EYS: variants seen among roughly 807,000 people sequenced by gnomAD.
The protein encoded by EYS is protein eyes shut homolog.
A neutral mutation model predicts 282.1 loss-of-function variants in EYS; 250 were observed. The observed-to-expected ratio is 0.89, with a 90% CI of 0.80 to 0.98. The LOEUF (loss-of-function observed/expected upper bound fraction) is 0.98. EYS is among the 50% of genes least tolerant of loss of function. The pLI is 0.00. For missense variants in EYS, 4,016 were observed against 3,709.0 expected, an observed-to-expected ratio of 1.08 and a Z score of -2.15; for synonymous variants, 1,355 against 1,282.9, an observed-to-expected ratio of 1.06 and a Z score of -1.20.
chr6:65,481,871 A>G (rs959675109), intron 5 of EYS, among the ~76,000 whole-genome samples: 3 of 152,062 alleles, frequency 2.0e-5, no homozygotes, highest in Admixed American at 1.3e-4. Context: ...CGCCCAGTCC[A>G]ATTTTGAGAC....
Position 64,880,504 on chromosome 6 carries a change from C to A in EYS, c.2992+6193G>T, listed in dbSNP as rs543183819. Among the ~76,000 whole-genome samples the A allele has an allele frequency of 2.0e-4, 30 of 151,546 alleles. No homozygotes were observed. In the South Asian group the frequency reaches 4.4e-3, roughly 22 times the overall value. Reference sequence around the variant, plus strand: ...AATTTTGGTTCTTGATCTCTCTCTACCTCTCCCTCTCTATACACATTTGTA... The same window carrying A: ...AATTTTGGTTCTTGATCTCTCTCTAACTCTCCCTCTCTATACACATTTGTA... On this transcript the variant is annotated intron_variant, in intron 19 of 42. Coordinates refer to ENST00000503581, the MANE Select transcript of EYS (RefSeq NM_001142800.2).
At chr6:65,493,354 T>C (rs1174927267) in intron 4 of EYS, among the ~76,000 whole-genome samples, 1 of 152,214 alleles carries the variant, frequency 6.6e-6, no homozygotes, top group Non-Finnish European at 1.5e-5. Flanking sequence ...GCTCTAGATA[T>C]AGCTCTGCTT....
chr6:65,122,248 T>C (rs539573494), intron 12 of EYS, among the ~76,000 whole-genome samples: 2 of 152,240 alleles, frequency 1.3e-5, no homozygotes, highest in South Asian at 4.1e-4. Flanking sequence ...TTTTCAAATG[T>C]AGTCCAGAAT....
intron 19 of EYS, among the ~76,000 whole-genome samples, chr6:64,880,660 T>G (rs1332749043): frequency 6.6e-6 from 1 of 151,214 alleles, no homozygotes; most frequent in African/African-American, 2.4e-5. Flanking sequence ...GTCCCCATAA[T>G]CATTTGTTTT....
chr6:65,140,757 G>T (rs1166192535), intron 12 of EYS, among the ~76,000 whole-genome samples: 1 of 151,970 alleles, frequency 6.6e-6, no homozygotes. Context: ...ATCATCACTG[G>T]CCATCAGAGA....
chr6:64,647,368 A>G (rs1442625726), intron 22 of EYS, among the ~76,000 whole-genome samples: 1 of 152,194 alleles, frequency 6.6e-6, no homozygotes, highest in African/African-American at 2.4e-5. Flanking sequence ...AGAGAGACAG[A>G]GCTAGCTATA....
At chr6:64,255,006 C>T (rs986459785) in intron 30 of EYS, among the ~76,000 whole-genome samples, 4 of 152,104 alleles carry the variant, frequency 2.6e-5, no homozygotes, top group Admixed American at 1.3e-4. Flanking sequence ...AAGTGTAAAA[C>T]TTGGAGATTA....
intron 29 of EYS, among the ~76,000 whole-genome samples, chr6:64,345,667 A>G (rs1771356858): frequency 6.6e-6 from 1 of 152,166 alleles, no homozygotes; most frequent in Non-Finnish European, 1.5e-5. Flanking sequence ...TAAAACACCA[A>G]AAGCAATGGC....
At chr6:64,522,999 G>GA (rs895007630) in intron 26 of EYS, among the ~76,000 whole-genome samples, 2 of 150,408 alleles carry the variant, frequency 1.3e-5, no homozygotes, top group Non-Finnish European at 3.0e-5. Flanking sequence ...CTTTTCAAAA[G>GA]AAAAAAATGT....
Position 63,752,791 on chromosome 6 carries a change from G to A in EYS, c.8071+9670C>T, listed in dbSNP as rs1769372896. Among the ~76,000 whole-genome samples, 3 of 152,088 alleles carry A rather than the reference G, an allele frequency of 2.0e-5. No individual in the cohort carries two copies. The South Asian group carries it at 6.2e-4, about 32-fold the overall frequency. ...ATTACAGGTGTGAGCCACCGCGCCT[G>A]CCCTTAATTGCTTTTCTTAAATTGA... On this transcript the variant is annotated intron_variant, in intron 41 of 42. Coordinates refer to ENST00000503581, the MANE Select transcript of EYS (RefSeq NM_001142800.2).
At chr6:64,489,558 T>G (rs918951683) in intron 26 of EYS, among the ~76,000 whole-genome samples, 1 of 147,130 alleles carries the variant, frequency 6.8e-6, no homozygotes, top group African/African-American at 2.5e-5. Flanking sequence ...ATATAAAAAT[T>G]TTAATATAAA....
rs573640062 is a variant in EYS at position 64,995,433 on chromosome 6, TC to T, written c.2259+2148del. 1.9e-3 allele frequency among the ~76,000 whole-genome samples: 284 copies of T among 152,246 alleles called. 2 individuals are homozygous for T. Among genetic ancestry groups the T allele is most frequent in the African/African-American group, 6.7e-3 (280 of 41,552 alleles). ...AAGTAAAACAGTTTTTCTGAGTTCT[TC>T]TTATACATTATCAAACCTGAGGGTA... On this transcript the variant is annotated intron_variant, in intron 14 of 42. Transcript: ENST00000503581.
intron 26 of EYS, among the ~76,000 whole-genome samples, chr6:64,514,220 A>G (rs944596627): frequency 3.3e-5 from 5 of 151,706 alleles, no homozygotes; most frequent in Non-Finnish European, 5.9e-5. Context: ...CCCTAGACCT[A>G]CCTCAGGTAA....
chr6:64,453,864 G>A (rs1412452510), intron 26 of EYS, among the ~76,000 whole-genome samples: 1 of 152,060 alleles, frequency 6.6e-6, no homozygotes, highest in South Asian at 2.1e-4. Context: ...TTGTGGCGTG[G>A]GGGGAGTGGG....
At chr6:64,965,653 T>A (rs1276577819) in intron 14 of EYS, among the ~76,000 whole-genome samples, 1 of 152,096 alleles carries the variant, frequency 6.6e-6, no homozygotes, top group Non-Finnish European at 1.5e-5. Context: ...CCTAACTTTT[T>A]TCATTTATTT....
At chr6:64,924,304 C>A (rs551373496) in intron 15 of EYS, among the ~76,000 whole-genome samples, 10 of 152,158 alleles carry the variant, frequency 6.6e-5, no homozygotes, top group Admixed American at 6.5e-4. Context: ...ATCTGGGACA[C>A]AGGGCACCAA....
intron 36 of EYS, among the ~76,000 whole-genome samples, chr6:63,807,507 G>A (rs891940436): frequency 1.6e-4 from 25 of 152,028 alleles, no homozygotes; most frequent in African/African-American, 6.0e-4. Context: ...TGTTTTATAT[G>A]ACTATTAAAC....
chr6:65,386,970 G>T (rs993319101), intron 7 of EYS, among the ~76,000 whole-genome samples: 1 of 151,196 alleles, frequency 6.6e-6, no homozygotes, highest in African/African-American at 2.4e-5. Flanking sequence ...AAGCAGCGAG[G>T]ATCTGTGAAG....
At chr6:65,242,508 A>T (rs1767081396) in intron 12 of EYS, among the ~76,000 whole-genome samples, 1 of 151,974 alleles carries the variant, frequency 6.6e-6, no homozygotes, top group African/African-American at 2.4e-5. Context: ...AACATATTTC[A>T]TTTATCCATT....
Sources: allele counts gnomAD v4.1 joint callset (sites outside exome capture counted in the v4.1 genomes callset), GRCh38; gene constraint gnomAD v4.1.1; transcripts MANE v1.5; gene names NCBI Gene and HGNC (gene_info 2026-07-23, HGNC 2026-07-21).